Variants in CARD6 observed in about 807,000 individuals in gnomAD.
The protein encoded by CARD6 is caspase recruitment domain-containing protein 6.
A neutral mutation model predicts 23.6 loss-of-function variants in CARD6; 27 were observed. The observed-to-expected ratio is 1.14, with a 90% CI of 0.84 to 1.58. The LOEUF is 1.58. Among genes scored for constraint, CARD6 ranks in the 40% most tolerant of loss-of-function variants. The probability of loss-of-function intolerance (pLI) is 0.00; values close to 1 mark genes in which losing one functional copy is unlikely to be tolerated. For missense variants in CARD6, 1,214 were observed against 1,209.9 expected, an observed-to-expected ratio of 1.00 and a Z score of -0.05; for synonymous variants, 397 against 431.8, an observed-to-expected ratio of 0.92 and a Z score of 1.00.
At position 40,853,083 on chromosome 5, in the gene CARD6, G is replaced by A. The variant is rs138387729; in HGVS notation, c.1751G>A (p.Ser584Asn). 1.2e-6 allele frequency: 2 copies of A among 1,614,166 alleles called. No homozygotes were observed. The highest frequency in any genetic ancestry group is 4.5e-5 in the East Asian group (2 of 44,878). ...AAIERCYFVL[S>N]SQARESEEAQ... ...ATTGAAAGATGCTACTTTGTTCTCAGTTCCCAAGCCAGGGAGAGTGAAGAG... is the reference window on the plus strand; with the variant it reads ...ATTGAAAGATGCTACTTTGTTCTCAATTCCCAAGCCAGGGAGAGTGAAGAG... The change falls in exon 3 of 3, where the codon AGT (serine) becomes AAT (asparagine). Residue 584 changes from serine (S) to asparagine (N), a missense_variant. Ser to Asn is a conservative substitution (Grantham distance 46). Transcript: ENST00000254691.
At chr5:40,844,776 C>T (rs1579801063) in intron 2 of CARD6, among the ~76,000 whole-genome samples, 1 of 151,928 alleles carries the variant, frequency 6.6e-6, no homozygotes, top group East Asian at 1.9e-4. Context: ...AAATCAGTGG[C>T]TTAAACAATA....
In CARD6 at chr5:40,843,218, C is replaced by T. The variant is rs372426561; in HGVS notation, c.350C>T (p.Ala117Val). The T allele has an allele frequency of 1.2e-5, 20 of 1,613,650 alleles. No individual in the cohort carries two copies. The highest frequency in any genetic ancestry group is 1.6e-5 in the Non-Finnish European group (19 of 1,179,804). The change falls in exon 2 of 3, where the codon GCT becomes GTT. Residue 117 changes from alanine (A) to valine (V), a missense_variant. By Grantham distance (64) the Ala-to-Val change is moderately conservative. Transcript: ENST00000254691. ...GGGGCAAGCAGTAATTCAGAAGATG[C>T]TTTTTCTCCTGGAATAAAACAGCCT... ...SMGASSNSED[A>V]FSPGIKQPEA... is the part of the protein sequence containing the mutation.
chr5:40,852,615 T>C lies in CARD6; in HGVS notation c.1283T>C (p.Val428Ala). ...ILMLGAMKDI[V>A]KKQSTQFSGG... Reference sequence around the variant, plus strand: ...ATGCTGGGGGCCATGAAAGACATTGTGAAGAAGCAGTCAACACAGTTTTCA... The same window carrying C: ...ATGCTGGGGGCCATGAAAGACATTGCGAAGAAGCAGTCAACACAGTTTTCA... The change falls in exon 3 of 3, where the codon GTG becomes GCG. Residue 428 changes from valine (V) to alanine (A), a missense_variant. Physicochemically the swap from Val to Ala is moderately conservative, Grantham distance 64. Coordinates refer to ENST00000254691, the MANE Select transcript of CARD6 (RefSeq NM_032587.4). 6.2e-7 allele frequency: 1 copy of C among 1,614,160 alleles called. No homozygotes were observed. Among genetic ancestry groups the C allele is most frequent in the Non-Finnish European group, 8.5e-7 (1 of 1,180,030 alleles).
At chr5:40,851,472 A>G (rs1746066098) in intron 2 of CARD6, among the ~76,000 whole-genome samples, 1 of 152,202 alleles carries the variant, frequency 6.6e-6, no homozygotes, top group Non-Finnish European at 1.5e-5. Context: ...CTGACTTGCC[A>G]GAATGGTGAA....
chr5:40,854,639 G>A lies in CARD6; in HGVS notation c.*193G>A, dbSNP rs747102951. On this transcript the variant is annotated 3_prime_UTR_variant, in exon 3 of 3. Coordinates refer to ENST00000254691, the MANE Select transcript of CARD6 (RefSeq NM_032587.4). ...GAGTTTCACTCTTGTTGCCCAGGCT[G>A]GAGTGCAATGGCACGATCTCGGCTC... 1.7e-6 allele frequency: 1 copy of A among 580,158 alleles called. No individual in the cohort carries two copies. Among genetic ancestry groups the A allele is most frequent in the Non-Finnish European group, 3.0e-6 (1 of 331,658 alleles). The allele number at this position is 580,158 out of a possible 1,614,324, so 35.9% of individuals were successfully genotyped here.
Position 40,843,564 on chromosome 5 carries a change from T to A in CARD6, c.696T>A (p.Val232=). ...CAGAAGCCACTGTGGAAGAGGAGGT[T>A]TATGATGACCCAGAGCACGTTGGAT... ...EDAEATVEEE[V]YDDPEHVGYD... The change falls in exon 2 of 3, where the codon GTT becomes GTA. Residue 232 remains valine (V), a synonymous_variant. Transcript: ENST00000254691. 1 of 1,610,504 alleles carries A rather than the reference T, an allele frequency of 6.2e-7. No individual in the cohort carries two copies.
At chr5:40,850,721 C>CAAAAAAA (rs34372703) in intron 2 of CARD6, among the ~76,000 whole-genome samples, 3 of 46,542 alleles carry the variant, frequency 6.4e-5, no homozygotes, top group Non-Finnish European at 1.1e-4. Flanking sequence ...ACTCCGTCTC[C>CAAAAAAA]AAAAAAAAAA....
Position 40,852,896 on chromosome 5 carries a change from T to C in CARD6, c.1564T>C (p.Phe522Leu), listed in dbSNP as rs1234876934. ...PDSDDRKENP[F>L]FQKPVALANL... ...TAGCGATGATAGAAAGGAAAACCCC[T>C]TTTTCCAAAAGCCTGTTGCTCTGGC... The change falls in exon 3 of 3, where the codon TTT (phenylalanine) becomes CTT (leucine). Residue 522 changes from phenylalanine to leucine, a missense_variant. Physicochemically the swap from Phe to Leu is conservative, Grantham distance 22 (BLOSUM62 0). Coordinates refer to ENST00000254691, the MANE Select transcript of CARD6 (RefSeq NM_032587.4). The C allele has an allele frequency of 5.1e-5, 82 of 1,613,954 alleles. 1 individual carries two copies. The highest frequency in any genetic ancestry group is 6.7e-5 in the Non-Finnish European group (79 of 1,179,962).
In CARD6 at chr5:40,841,406, A is replaced by G. The variant is rs1478205634; in HGVS notation, c.24A>G (p.Ser8=). MATESTP[S]EIIERERKKL... is the part of the protein sequence containing the mutation. ...CAATGGCTACCGAGAGTACTCCCTC[A>G]GAGATCATAGAAAGAGAAAGAAAAA... Residue 8 remains serine (S), a synonymous_variant, in exon 1 of 3, where the codon TCA becomes TCG. Transcript: ENST00000254691. 3 of 1,610,900 alleles carry G rather than the reference A, an allele frequency of 1.9e-6. No individual in the cohort carries two copies. In the South Asian group the frequency reaches 3.3e-5, roughly 18 times the overall value.
Position 40,853,427 on chromosome 5 carries a change from C to G in CARD6, c.2095C>G (p.Leu699Val), listed in dbSNP as rs2112178977. The G allele has an allele frequency of 6.2e-7, 1 of 1,614,180 alleles. No individual in the cohort carries two copies. The highest frequency in any genetic ancestry group is 8.5e-7 in the Non-Finnish European group (1 of 1,180,032). ...AAAAAGCTCATCTAAAAGCCAGGCT[C>G]TAATGCCAATTCAAGAGCCTGGGAC... Reference protein sequence around the residue: ...QLKSSSKSQALMPIQEPGTQC... With the variant: ...QLKSSSKSQAVMPIQEPGTQC... Residue 699 changes from leucine (L) to valine (V), a missense_variant, in exon 3 of 3, where the codon CTA (leucine) becomes GTA (valine). Leu to Val is a conservative substitution (Grantham distance 32). Coordinates refer to ENST00000254691, the MANE Select transcript of CARD6 (RefSeq NM_032587.4).
In CARD6 at chr5:40,852,220, T is replaced by A; in HGVS notation, c.888T>A (p.Asp296Glu). 6.2e-7 allele frequency: 1 copy of A among 1,613,994 alleles called. No homozygotes were observed. Among genetic ancestry groups the A allele is most frequent in the South Asian group, 1.1e-5 (1 of 91,058 alleles). ...ATGTCCTGTTATGTTTGAACATGGA[T>A]AGAAGCAGAAAGGTTCTGCCAGATT... ...FKDVLLCLNM[D>E]RSRKVLPDFV... Residue 296 changes from aspartate to glutamate, a missense_variant, in exon 3 of 3, where the codon GAT becomes GAA. Physicochemically the swap from Asp to Glu is conservative, Grantham distance 45 (BLOSUM62 2). Transcript: ENST00000254691.
intron 2 of CARD6, among the ~76,000 whole-genome samples, chr5:40,851,317 C>T (rs997058184): frequency 2.0e-5 from 3 of 150,686 alleles, no homozygotes; most frequent in African/African-American, 7.3e-5. Flanking sequence ...GGCAACAGAG[C>T]CAGACTCCAT....
At chr5:40,847,200 GA>G (rs1260665823) in intron 2 of CARD6, among the ~76,000 whole-genome samples, 2 of 152,098 alleles carry the variant, frequency 1.3e-5, no homozygotes, top group African/African-American at 4.8e-5. Flanking sequence ...GCTGAGAAAT[GA>G]AAAAAATAGT....
At chr5:40,844,392 C>A (rs910898872) in intron 2 of CARD6, among the ~76,000 whole-genome samples, 5 of 152,120 alleles carry the variant, frequency 3.3e-5, no homozygotes, top group African/African-American at 9.7e-5. Flanking sequence ...TGCCACCACG[C>A]CTGGCTAATT....
In CARD6 at chr5:40,853,855, G is replaced by A. The variant is rs370496795; in HGVS notation, c.2523G>A (p.Arg841=). ...ERPQMMGTLE[R]SRAVASKIGH... Reference sequence around the variant, plus strand: ...CACAAATGATGGGAACTCTTGAAAGGTCTAGGGCAGTAGCCTCCAAGATAG... The same window carrying A: ...CACAAATGATGGGAACTCTTGAAAGATCTAGGGCAGTAGCCTCCAAGATAG... The change falls in exon 3 of 3, where the codon AGG becomes AGA. Residue 841 remains arginine, a synonymous_variant. Transcript: ENST00000254691. The A allele has an allele frequency of 8.7e-6, 14 of 1,614,082 alleles. No individual in the cohort carries two copies. Among genetic ancestry groups the A allele is most frequent in the African/African-American group, 4.0e-5 (3 of 74,920 alleles).
In CARD6 at chr5:40,853,202, G is replaced by A; in HGVS notation, c.1870G>A (p.Gly624Ser). The A allele has an allele frequency of 1.9e-6, 3 of 1,614,152 alleles. No homozygotes were observed. The highest frequency in any genetic ancestry group is 2.5e-6 in the Non-Finnish European group (3 of 1,180,022). The change falls in exon 3 of 3, where the codon GGC becomes AGC. Residue 624 changes from glycine (G) to serine (S), a missense_variant. Gly to Ser is a moderately conservative substitution (Grantham distance 56, BLOSUM62 0). Coordinates refer to ENST00000254691, the MANE Select transcript of CARD6 (RefSeq NM_032587.4). The stretch of plus-strand genomic sequence containing the variant: ...TGGGGATAGAAGGAAGAACATGGAG[G>A]GCCTTCAAGCTGCCCTCCAGGAAGT... ...DAGDRRKNME[G>S]LQAALQEVMF... is the part of the protein sequence containing the mutation.
intron 2 of CARD6, among the ~76,000 whole-genome samples, chr5:40,845,359 C>T (rs1479367042): frequency 6.6e-6 from 1 of 152,080 alleles, no homozygotes; most frequent in African/African-American, 2.4e-5. Flanking sequence ...GGATTAGGGC[C>T]CACCCTAATA....
rs2112178307 is a variant in CARD6 at position 40,853,051 on chromosome 5, G to A, written c.1719G>A (p.Glu573=). ...GGGACTTGCTAATGTTTTTAGGAGA[G>A]GCTGCCATTGAAAGATGCTACTTTG... ...KEWDLLMFLG[E]AAIERCYFVL... Residue 573 remains glutamate, a synonymous_variant, in exon 3 of 3, where the codon GAG becomes GAA. Transcript: ENST00000254691. The A allele has an allele frequency of 1.2e-6, 2 of 1,614,120 alleles. No individual in the cohort carries two copies. Among genetic ancestry groups the A allele is most frequent in the Non-Finnish European group, 1.7e-6 (2 of 1,180,028 alleles).
In CARD6 at chr5:40,854,173, C is replaced by T. The variant is rs1355986015; in HGVS notation, c.2841C>T (p.Ser947=). ...GCTCTCAGTTCAAATCCGATCAGTC[C>T]AACCCATCCACAGTCAAACACTCCC... ...CKSSQFKSDQ[S]NPSTVKHSQP... is the part of the protein sequence containing the mutation. The change falls in exon 3 of 3, where the codon TCC becomes TCT. Residue 947 remains serine (S), a synonymous_variant. Transcript: ENST00000254691. The T allele has an allele frequency of 1.9e-6, 3 of 1,614,180 alleles. No homozygotes were observed. The highest frequency in any genetic ancestry group is 1.1e-5 in the South Asian group (1 of 91,078).
Sources: allele counts gnomAD v4.1 joint callset (sites outside exome capture counted in the v4.1 genomes callset), GRCh38; gene constraint gnomAD v4.1.1; transcripts MANE v1.5; gene names NCBI Gene and HGNC (gene_info 2026-07-23, HGNC 2026-07-21).